KIF13A: variants seen among roughly 807,000 people sequenced by gnomAD.
KIF13A encodes kinesin family member 13A.
In KIF13A, 79 loss-of-function variants were observed where a neutral mutation model predicts 212.2. That is an observed-to-expected ratio of 0.37 (90% CI 0.31 to 0.45). The LOEUF is 0.45. KIF13A is among the 20% of genes least tolerant of loss of function. KIF13A has a pLI of 1.00. For missense variants in KIF13A, 1,901 were observed against 2,209.0 expected (o/e 0.86, Z 2.79); for synonymous variants, 789 against 808.6 (o/e 0.98, Z 0.41).
chr6:17,959,458 T>C (rs1164532780), intron 2 of KIF13A, among the ~76,000 whole-genome samples: 3 of 152,232 alleles, frequency 2.0e-5, no homozygotes, highest in African/African-American at 2.4e-5. Context: ...GAACACCAGA[T>C]GTTTCTCTGT....
rs1012746335 is a variant in KIF13A, at chr6:17,783,082, AG to A, written c.3544+563del. 6.6e-6 allele frequency among the ~76,000 whole-genome samples: 1 copy of A among 152,250 alleles called. No individual in the cohort carries two copies. The highest frequency in any genetic ancestry group is 2.4e-5 in the African/African-American group (1 of 41,460). ...TTGAGGAGCCCTAGGGCCCTGCCAA[AG>A]GATCTACCAGGATCCTGCCCACTGC... On this transcript the variant is annotated intron_variant, in intron 29 of 38. Transcript: ENST00000259711. This position sits in a 1 kb window ranked among gnomAD's most constrained non-coding sequence, Gnocchi z 4.3.
At chr6:17,780,699 C>T in intron 31 of KIF13A, 31 bp downstream of exon 31, 1 of 1,601,678 alleles carries the variant, frequency 6.2e-7, no homozygotes, top group Non-Finnish European at 8.5e-7. Context: ...GAGCTCAGAG[C>T]CAGAATGGCA....
intron 2 of KIF13A, among the ~76,000 whole-genome samples, chr6:17,957,503 C>T (rs1778439942): frequency 1.3e-5 from 2 of 152,174 alleles, no homozygotes; most frequent in South Asian, 4.1e-4. Context: ...GTGAGCCTCT[C>T]CAGCAAATTA....
chr6:17,870,361 A>G (rs566227299), intron 4 of KIF13A, among the ~76,000 whole-genome samples: 1 of 152,208 alleles, frequency 6.6e-6, no homozygotes, highest in Non-Finnish European at 1.5e-5. Context: ...CTTTTAAAAT[A>G]TATCTGAACT....
rs1289057703 is a variant in KIF13A, at chr6:17,947,233, G to A, written c.146+39821C>T. Among the ~76,000 whole-genome samples, 1 of 152,048 alleles carries A rather than the reference G, an allele frequency of 6.6e-6. No individual in the cohort carries two copies. The highest frequency in any genetic ancestry group is 1.5e-5 in the Non-Finnish European group (1 of 68,006). ...GTGGAAATGGGAATAAGTGATATAA[G>A]AGACAAAAAAGTACAAGTTGGGTGG... On this transcript the variant is annotated intron_variant, in intron 2 of 38. Coordinates refer to ENST00000259711, the MANE Select transcript of KIF13A (RefSeq NM_022113.6). This position sits in a 1 kb window ranked among gnomAD's most constrained non-coding sequence, Gnocchi z 4.6.
At chr6:17,869,433 C>T (rs1769793071) in intron 4 of KIF13A, among the ~76,000 whole-genome samples, 1 of 152,182 alleles carries the variant, frequency 6.6e-6, no homozygotes, top group Admixed American at 6.5e-5. Flanking sequence ...TAAATGAATA[C>T]ATTATTTAGC....
intron 13 of KIF13A, 133 bp downstream of exon 13, chr6:17,830,968 C>T: frequency 1.4e-6 from 1 of 728,704 alleles, no homozygotes; most frequent in East Asian, 2.6e-5. Context: ...GATCGGAGGG[C>T]ACTATCCATC....
chr6:17,854,727 A>G (rs1252666296), intron 6 of KIF13A, among the ~76,000 whole-genome samples: 5 of 148,674 alleles, frequency 3.4e-5, no homozygotes, highest in Admixed American at 3.4e-4. Flanking sequence ...TAATTTTTGT[A>G]TTTTTAGTAG....
downstream of KIF13A, chr6:17,760,640 C>T (rs1316185669): frequency 5.1e-6 from 3 of 588,190 alleles, no homozygotes; most frequent in Admixed American, 6.1e-5. Flanking sequence ...CTGGAAAAAG[C>T]AGAGGCTGTT....
chr6:17,818,061 G>A (rs1764106221), intron 16 of KIF13A, among the ~76,000 whole-genome samples: 1 of 152,182 alleles, frequency 6.6e-6, no homozygotes, highest in Admixed American at 6.5e-5. Flanking sequence ...TGTACAAAAG[G>A]AGAAAGTTAC....
At chr6:17,927,608 C>T (rs1355421855) in intron 2 of KIF13A, among the ~76,000 whole-genome samples, 1 of 152,172 alleles carries the variant, frequency 6.6e-6, no homozygotes, top group African/African-American at 2.4e-5. Context: ...GGCTGCATAA[C>T]ACTGTGAATG....
At chr6:17,803,115 T>C (rs912103578) in intron 20 of KIF13A, among the ~76,000 whole-genome samples, 51 of 152,008 alleles carry the variant, frequency 3.4e-4, no homozygotes, top group Non-Finnish European at 6.3e-4. Flanking sequence ...TTTGTATTTT[T>C]AGTAGAGACG....
In KIF13A at chr6:17,794,266, C is replaced by G. The variant is rs1761846804; in HGVS notation, c.3205G>C (p.Gly1069Arg). The G allele has an allele frequency of 6.2e-7, 1 of 1,613,238 alleles. No individual in the cohort carries two copies. ...VTARSTKLQR[G>R]LDSYQRDDED... ...TGTCTTACCTGGTAACTGTCCAGCC[C>G]TCTTTGGAGTTTGGTGGACCTGGCA... The change falls in exon 25 of 39, where the codon GGG (glycine) becomes CGG (arginine). Residue 1069 changes from glycine (G) to arginine (R), a missense_variant. This residue lies in a region of KIF13A where 168 missense variants were observed against 250.9 expected (regional missense o/e 0.67). Transcript: ENST00000259711. The surrounding 1 kb of genome is among the most constrained non-coding windows in gnomAD (Gnocchi z 4.1).
At chr6:17,909,651 T>C (rs937827811) in intron 2 of KIF13A, among the ~76,000 whole-genome samples, 68 of 151,616 alleles carry the variant, frequency 4.5e-4, no homozygotes, top group African/African-American at 1.4e-3. Flanking sequence ...TCCCGGCACG[T>C]TGGGAGGCCA....
rs550940653 is a variant in KIF13A at position 17,806,487 on chromosome 6, C to T, written c.2164-872G>A. ...AAGACTGATAAGATACTCCCTGACT[C>T]ATTTTCTAGCTTGCTTGCTGGAAGA... On this transcript the variant is annotated intron_variant, in intron 18 of 38. Transcript: ENST00000259711. Among the ~76,000 whole-genome samples the T allele has an allele frequency of 9.8e-5, 15 of 152,342 alleles. No homozygotes were observed. The East Asian group carries it at 2.9e-3, about 29-fold the overall frequency.
rs2150649753 is a variant in KIF13A at position 17,984,264 on chromosome 6, G to A, written c.146+2790C>T. ...CTTCTCTCCAAGGTGAGTGACTCTG[G>A]TGTAGGTACTGGATCCACAAGTATC... On this transcript the variant is annotated intron_variant, in intron 2 of 38. Coordinates refer to ENST00000259711, the MANE Select transcript of KIF13A (RefSeq NM_022113.6). The surrounding 1 kb of genome is among the most constrained non-coding windows in gnomAD (Gnocchi z 5.0). Among the ~76,000 whole-genome samples, 1 of 152,264 alleles carries A rather than the reference G, an allele frequency of 6.6e-6. No homozygotes were observed. Among genetic ancestry groups the A allele is most frequent in the African/African-American group, 2.4e-5 (1 of 41,556 alleles).
Position 17,849,635 on chromosome 6 carries a change from T to C in KIF13A, c.718-146A>G, listed in dbSNP as rs1446514179. ...AGTTTTTAAACGGTCAGAAGAGTTA[T>C]TTGAACCAGCAATTAATTTCATAGT... On this transcript the variant is annotated intron_variant, in intron 8 of 38. Transcript: ENST00000259711. This position sits in a 1 kb window ranked among gnomAD's most constrained non-coding sequence, Gnocchi z 5.7. 3.6e-6 allele frequency: 2 copies of C among 562,354 alleles called. No homozygotes were observed. The highest frequency in any genetic ancestry group is 2.4e-5 in the South Asian group (1 of 41,418). The allele number at this position is 562,354 out of a possible 1,614,324, so 34.8% of individuals were successfully genotyped here. A position where few individuals can be genotyped will look rare whatever the true frequency, so the allele number is the denominator to read the frequency against.
At position 17,837,174 on chromosome 6, in the gene KIF13A, A is replaced by G. The variant is rs1766043491; in HGVS notation, c.943-84T>C. 6.9e-6 allele frequency: 8 copies of G among 1,161,318 alleles called. No homozygotes were observed. The highest frequency in any genetic ancestry group is 1.0e-5 in the Non-Finnish European group (8 of 792,698). The allele number at this position is 1,161,318 out of a possible 1,614,324, so 71.9% of individuals were successfully genotyped here. A position where few individuals can be genotyped will look rare whatever the true frequency, so the allele number is the denominator to read the frequency against. ...AAAAGCACTAAATGTGTTAGGTATG[A>G]CATTATTCTCTATGAAGGAAACATT... On this transcript the variant is annotated intron_variant, in intron 10 of 38. Coordinates refer to ENST00000259711, the MANE Select transcript of KIF13A (RefSeq NM_022113.6). The surrounding 1 kb of genome is among the most constrained non-coding windows in gnomAD (Gnocchi z 5.4).
rs937408852 is a variant in KIF13A at position 17,789,033 on chromosome 6, C to T, written c.3261+839G>A. 2.0e-5 allele frequency among the ~76,000 whole-genome samples: 3 copies of T among 152,116 alleles called. No homozygotes were observed. Among genetic ancestry groups the T allele is most frequent in the Non-Finnish European group, 2.9e-5 (2 of 68,004 alleles). On this transcript the variant is annotated intron_variant, in intron 26 of 38. Transcript: ENST00000259711. The surrounding 1 kb of genome is among the most constrained non-coding windows in gnomAD (Gnocchi z 4.8). ...CCACCACGCCCAGCCACTGTACCCA[C>T]ATTTTACATGTAGGAAGGCACACTG... is the stretch of plus-strand genomic sequence containing the variant.
Sources: allele counts gnomAD v4.1 joint callset (sites outside exome capture counted in the v4.1 genomes callset), GRCh38; gene constraint gnomAD v4.1.1; regional missense constraint gnomAD v4.1.1; non-coding constraint Gnocchi (gnomAD v3.1); transcripts MANE v1.5; gene names NCBI Gene and HGNC (gene_info 2026-07-23, HGNC 2026-07-21).